MGAM2: variants seen among roughly 807,000 people sequenced by gnomAD.
The protein encoded by MGAM2 is probable maltase-glucoamylase 2.
Under a neutral mutation model 96.1 loss-of-function variants are expected in MGAM2, and 98 were observed. The ratio of observed to expected loss-of-function variants is 1.02; its 90% CI spans 0.87 to 1.21. MGAM2 has a LOEUF of 1.21. Among genes scored for constraint, MGAM2 ranks in the 50% most tolerant of loss-of-function variants. MGAM2 has a pLI of 0.00. For missense variants in MGAM2, 2,055 were observed against 1,182.4 expected, an observed-to-expected ratio of 1.74 and a Z score of -10.82; for synonymous variants, 749 against 414.8, an observed-to-expected ratio of 1.81 and a Z score of -9.79.
At chr7:142,142,613 G>C (rs974625628) in intron 12 of MGAM2, among the ~76,000 whole-genome samples, 1 of 140,006 alleles carries the variant, frequency 7.1e-6, no homozygotes, top group African/African-American at 2.7e-5. Flanking sequence ...TCACTGCAAC[G>C]ATCTCAGCTC....
rs1221023620 is a variant in MGAM2 at position 142,137,421 on chromosome 7, T to C, written c.848-12T>C. On this transcript the variant is annotated splice_polypyrimidine_tract_variant and intron_variant, in intron 8 of 47. Coordinates refer to ENST00000477922, the MANE Select transcript of MGAM2 (RefSeq NM_001293626.2). ...CATAAGATTCTAATTAATCTCATTATAATTTTTTCAGAGGTTACCCTTCAG... is the reference window on the plus strand; with the variant it reads ...CATAAGATTCTAATTAATCTCATTACAATTTTTTCAGAGGTTACCCTTCAG... The C allele has an allele frequency of 1.3e-5, 9 of 688,530 alleles. No homozygotes were observed. The highest frequency in any genetic ancestry group is 1.8e-5 in the Non-Finnish European group (7 of 378,536). The allele number at this position is 688,530 out of a possible 1,614,324, so 42.7% of individuals were successfully genotyped here. A position where few individuals can be genotyped will look rare whatever the true frequency, so the allele number is the denominator to read the frequency against.
chr7:142,217,391 T>C (rs188256792), intron 46 of MGAM2, among the ~76,000 whole-genome samples: 1 of 152,364 alleles, frequency 6.6e-6, no homozygotes, highest in Non-Finnish European at 1.5e-5. Flanking sequence ...CGCTTTGGAC[T>C]ACTCACTTCA....
intron 2 of MGAM2, among the ~76,000 whole-genome samples, chr7:142,120,042 T>C (rs534641300): frequency 6.6e-6 from 1 of 152,362 alleles, no homozygotes; most frequent in South Asian, 2.1e-4. Context: ...GGATGAATTT[T>C]GTGGTATATA....
chr7:142,204,452 C>A lies in MGAM2; in HGVS notation c.5138-4121C>A, dbSNP rs556559613. On this transcript the variant is annotated intron_variant, in intron 45 of 47. Coordinates refer to ENST00000477922, the MANE Select transcript of MGAM2 (RefSeq NM_001293626.2). ...CTTTGGACTTGCTTTTTAACATAATCTGATAAGAAGCTCTAGGAGAGGCAT... is the reference window on the plus strand; with the variant it reads ...CTTTGGACTTGCTTTTTAACATAATATGATAAGAAGCTCTAGGAGAGGCAT... Among the ~76,000 whole-genome samples, 23 of 152,096 alleles carry A rather than the reference C, an allele frequency of 1.5e-4. No homozygotes were observed. The East Asian group carries it at 2.3e-3, about 15-fold the overall frequency.
chr7:142,139,885 T>G (rs974312695), intron 10 of MGAM2, among the ~76,000 whole-genome samples: 32 of 152,112 alleles, frequency 2.1e-4, no homozygotes, highest in Admixed American at 3.9e-4. Flanking sequence ...CCATATCTAT[T>G]ATCTGCAAAC....
chr7:142,147,510 A>G lies in MGAM2; in HGVS notation c.1571A>G (p.His524Arg), dbSNP rs1795422327. The change falls in exon 15 of 48, where the codon CAT becomes CGT. Residue 524 changes from histidine (H) to arginine (R), a missense_variant. Coordinates refer to ENST00000477922, the MANE Select transcript of MGAM2 (RefSeq NM_001293626.2). The part of the protein sequence containing the change: ...ARTLCMDTEF[H>R]GGLHYDIHSL... ...ACTCTCTGCATGGACACGGAGTTTC[A>G]TGGGGGCCTTCATTATGACATCCAC... The G allele has an allele frequency of 1.4e-6, 1 of 702,810 alleles. No homozygotes were observed. Among genetic ancestry groups the G allele is most frequent in the Non-Finnish European group, 2.6e-6 (1 of 384,964 alleles). The allele number at this position is 702,810 out of a possible 1,614,324, so 43.5% of individuals were successfully genotyped here.
rs1325887753 is a variant in MGAM2 at position 142,138,671 on chromosome 7, A to G, written c.1086+4A>G. On this transcript the variant is annotated splice_donor_region_variant and intron_variant, in intron 10 of 47. Transcript: ENST00000477922. ...TCGTTTAGCTGAGATACCATATGTA[A>G]GTCGAAACTTCTTTTACCATGCAGT... 1.4e-6 allele frequency: 1 copy of G among 700,436 alleles called. No homozygotes were observed. The highest frequency in any genetic ancestry group is 1.7e-5 in the African/African-American group (1 of 57,252). 43.4% of individuals were successfully genotyped at this position (700,436 alleles called of 1,614,324 possible).
chr7:142,178,512 T>C (rs1796443688), intron 32 of MGAM2, among the ~76,000 whole-genome samples: 2 of 152,198 alleles, frequency 1.3e-5, no homozygotes, highest in Non-Finnish European at 2.9e-5. Context: ...CTTTAATCTA[T>C]CTTGAGTTAA....
intron 12 of MGAM2, among the ~76,000 whole-genome samples, chr7:142,142,823 C>T (rs1010822358): frequency 6.6e-6 from 1 of 152,300 alleles, no homozygotes; most frequent in Admixed American, 6.5e-5. Context: ...GTTGGGATTA[C>T]AGGCGTGAGC....
chr7:142,213,932 C>A (rs1228202613), intron 46 of MGAM2, among the ~76,000 whole-genome samples: 3 of 152,166 alleles, frequency 2.0e-5, no homozygotes, highest in Non-Finnish European at 4.4e-5. Flanking sequence ...TACTGGCAAA[C>A]CGAATCCAGC....
chr7:142,184,567 C>T (rs1395551297), intron 33 of MGAM2, among the ~76,000 whole-genome samples: 2 of 152,164 alleles, frequency 1.3e-5, no homozygotes, highest in Non-Finnish European at 2.9e-5. Flanking sequence ...ATCAATTAAT[C>T]AGTGTGTATA....
intron 36 of MGAM2, among the ~76,000 whole-genome samples, chr7:142,189,116 ACT>A (rs1439924549): frequency 2.0e-5 from 3 of 152,212 alleles, no homozygotes; most frequent in Admixed American, 6.5e-5. Flanking sequence ...CTATGACAAC[ACT>A]CTATAAATTA....
intron 35 of MGAM2, among the ~76,000 whole-genome samples, chr7:142,186,508 A>C (rs536315411): frequency 1.2e-4 from 18 of 152,318 alleles, no homozygotes; most frequent in Admixed American, 5.2e-4. Context: ...AGTTGAGAGC[A>C]AGTAGACGTT....
At chr7:142,125,362 G>A (rs1465891525) in intron 3 of MGAM2, among the ~76,000 whole-genome samples, 1 of 152,164 alleles carries the variant, frequency 6.6e-6, no homozygotes, top group African/African-American at 2.4e-5. Flanking sequence ...AAGTAGGGAT[G>A]TTAGAGCAGA....
chr7:142,185,955 A>G (rs1278450458), intron 34 of MGAM2, 34 bp from the exon 35 acceptor site: 1 of 701,308 alleles, frequency 1.4e-6, no homozygotes, highest in Non-Finnish European at 2.6e-6. Flanking sequence ...ATAGGCTGAG[A>G]CCCCGACAAT....
At chr7:142,184,225 G>A (rs1423205375) in intron 33 of MGAM2, among the ~76,000 whole-genome samples, 11 of 151,688 alleles carry the variant, frequency 7.3e-5, no homozygotes, top group African/African-American at 1.7e-4. Context: ...CACCTGCCTC[G>A]GCCTCCCAAA....
intron 45 of MGAM2, among the ~76,000 whole-genome samples, chr7:142,204,021 T>C (rs1438476372): frequency 6.6e-6 from 1 of 152,122 alleles, no homozygotes; most frequent in Non-Finnish European, 1.5e-5. Flanking sequence ...TTGACTGTAA[T>C]TGCTTTTATT....
intron 10 of MGAM2, among the ~76,000 whole-genome samples, chr7:142,140,106 G>C (rs962863509): frequency 6.6e-6 from 1 of 152,098 alleles, no homozygotes; most frequent in East Asian, 1.9e-4. Flanking sequence ...CACTTCCTTT[G>C]TCTTTGAGGA....
intron 6 of MGAM2, among the ~76,000 whole-genome samples, chr7:142,132,316 A>G (rs925872420): frequency 4.1e-5 from 6 of 146,716 alleles, no homozygotes; most frequent in African/African-American, 1.5e-4. Flanking sequence ...AATTTTATAT[A>G]ATTATATAAT....
Sources: gnomAD v4.1 joint callset for allele counts (sites outside exome capture counted in the v4.1 genomes callset) on GRCh38, gnomAD v4.1.1 for gene constraint, MANE v1.5 for transcripts, NCBI Gene and HGNC (gene_info 2026-07-23, HGNC 2026-07-21) for gene names.